DCLRE1C: variants seen among roughly 807,000 people sequenced by gnomAD.
DCLRE1C encodes DNA cross-link repair 1C.
DCLRE1C carries 47 observed loss-of-function variants against 61.4 expected under a neutral mutation model. The ratio of observed to expected loss-of-function variants is 0.77; its 90% CI spans 0.61 to 0.98. DCLRE1C has a LOEUF of 0.98. Among genes scored for constraint, DCLRE1C ranks in the 50% least tolerant of loss-of-function variants. DCLRE1C has a pLI of 0.00. For missense variants in DCLRE1C, 858 were observed against 816.0 expected, an observed-to-expected ratio of 1.05 and a Z score of -0.63; for synonymous variants, 337 against 287.6, an observed-to-expected ratio of 1.17 and a Z score of -1.74.
chr10:14,923,211 G>A (rs1488137999), intron 11 of DCLRE1C, 142 bp from the exon 12 acceptor site: 2 of 667,686 alleles, frequency 3.0e-6, no homozygotes, highest in East Asian at 2.9e-5. Context: ...GGGATCACCA[G>A]GGACCTCTTG....
downstream of DCLRE1C, among the ~76,000 whole-genome samples, chr10:14,901,532 C>G (rs1340019229): frequency 6.6e-6 from 1 of 151,632 alleles, no homozygotes; most frequent in African/African-American, 2.4e-5. Flanking sequence ...CATCTTAATA[C>G]TGTACTACTT....
At chr10:14,946,965 A>T (rs771662761) in intron 2 of DCLRE1C, among the ~76,000 whole-genome samples, 23 of 152,280 alleles carry the variant, frequency 1.5e-4, no homozygotes, top group South Asian at 8.3e-4. Context: ...TAATCCCAGC[A>T]CTTTGGGAAG....
downstream of DCLRE1C, chr10:14,902,774 T>A (rs1181661471): frequency 8.6e-6 from 2 of 233,856 alleles, no homozygotes; most frequent in Non-Finnish European, 1.7e-5. Flanking sequence ...TTAGTATATG[T>A]GTACTTAAGT....
chr10:14,940,009 A>G, intron 3 of DCLRE1C, 140 bp from the exon 4 acceptor site: 1 of 645,552 alleles, frequency 1.5e-6, no homozygotes, highest in Non-Finnish European at 2.6e-6. Flanking sequence ...TGTAATAAAT[A>G]TTTTAACAGT....
chr10:14,918,212 A>C (rs1302203492), intron 13 of DCLRE1C, among the ~76,000 whole-genome samples: 2 of 152,206 alleles, frequency 1.3e-5, no homozygotes, highest in African/African-American at 2.4e-5. Context: ...TTTAATAAGA[A>C]AGACACTGGA....
At chr10:14,929,195 A>C (rs1838545725) in intron 9 of DCLRE1C, among the ~76,000 whole-genome samples, 1 of 152,144 alleles carries the variant, frequency 6.6e-6, no homozygotes, top group Non-Finnish European at 1.5e-5. Context: ...ACTTGAGGTC[A>C]GGAGTCCAAG....
chr10:14,946,765 T>A (rs1841759934), intron 2 of DCLRE1C, among the ~76,000 whole-genome samples: 1 of 151,968 alleles, frequency 6.6e-6, no homozygotes, highest in South Asian at 2.1e-4. Flanking sequence ...CTACAGCACA[T>A]GCCACCACAC....
chr10:14,950,357 CAA>C (rs1196056427), intron 1 of DCLRE1C, among the ~76,000 whole-genome samples: 112 of 71,284 alleles, frequency 1.6e-3, no homozygotes, highest in African/African-American at 4.7e-3. Context: ...AAATAATAAC[CAA>C]AAAAAAAAAA....
exon 14 of DCLRE1C, chr10:14,898,732 C>G (rs890677530): frequency 2.0e-5 from 3 of 152,690 alleles, no homozygotes; most frequent in East Asian, 1.9e-4. Context: ...AAGAGCAGAA[C>G]TGTAGATGAC....
intron 2 of DCLRE1C, chr10:14,945,469 A>G: frequency 8.5e-7 from 1 of 1,172,932 alleles, no homozygotes; most frequent in South Asian, 1.9e-5. Flanking sequence ...CAAGAGCACA[A>G]GGTGGGGGTG....
chr10:14,927,724 G>A (rs1291269834), intron 10 of DCLRE1C, among the ~76,000 whole-genome samples: 1 of 152,068 alleles, frequency 6.6e-6, no homozygotes, highest in African/African-American at 2.4e-5. Flanking sequence ...CTCCACCAAG[G>A]GTTCTGTTCT....
intron 13 of DCLRE1C, among the ~76,000 whole-genome samples, chr10:14,918,302 A>T (rs1395599627): frequency 1.3e-5 from 2 of 152,254 alleles, no homozygotes; most frequent in Admixed American, 6.5e-5. Flanking sequence ...CCTTATCAAT[A>T]AAAGAGGGTG....
Position 14,907,577 on chromosome 10 carries a change from G to A in DCLRE1C, c.*831C>T, listed in dbSNP as rs1834520226. Among the ~76,000 whole-genome samples the A allele has an allele frequency of 6.6e-6, 1 of 151,872 alleles. No individual in the cohort carries two copies. Among genetic ancestry groups the A allele is most frequent in the African/African-American group, 2.4e-5 (1 of 41,334 alleles). On this transcript the variant is annotated 3_prime_UTR_variant, in exon 14 of 14. Transcript: ENST00000378278. ...AGCTGTTCTAGCTTCATAAATTTTT[G>A]GAGCTGTTAGGTGCATATACGTTTA...
intron 2 of DCLRE1C, among the ~76,000 whole-genome samples, chr10:14,947,242 A>AC (rs1472647215): frequency 3.3e-5 from 5 of 151,456 alleles, no homozygotes; most frequent in African/African-American, 1.2e-4. Context: ...AAACAAACAA[A>AC]AAAACATGCC....
intron 13 of DCLRE1C, among the ~76,000 whole-genome samples, chr10:14,916,517 A>T (rs1836221755): frequency 1.3e-5 from 2 of 152,230 alleles, no homozygotes; most frequent in South Asian, 2.1e-4. Context: ...AGGTTCAACC[A>T]TTAAATGCAA....
intron 4 of DCLRE1C, among the ~76,000 whole-genome samples, chr10:14,938,741 T>C (rs559729455): frequency 1.3e-5 from 2 of 152,320 alleles, no homozygotes; most frequent in Non-Finnish European, 2.9e-5. Context: ...AAGTACAATA[T>C]TCATGAATTA....
rs373749905 is a variant in DCLRE1C, at chr10:14,927,996, C to A, written c.917+20G>T. On this transcript the variant is annotated intron_variant, in intron 10 of 13. Transcript: ENST00000378278. ...TTACTCAAAGTTTCTCTCAGAAGAC[C>A]TATGATATTGCTCTCTTACCTCACA... 6.8e-6 allele frequency: 11 copies of A among 1,612,842 alleles called. No homozygotes were observed. Among genetic ancestry groups the A allele is most frequent in the Non-Finnish European group, 8.5e-6 (10 of 1,179,454 alleles).
chr10:14,936,870 G>A (rs11259397), intron 4 of DCLRE1C, among the ~76,000 whole-genome samples: 194 of 152,284 alleles, frequency 1.3e-3, no homozygotes, highest in Non-Finnish European at 2.2e-3. Context: ...GTTCACAGCA[G>A]CATTCTTCAT....
downstream of DCLRE1C, chr10:14,900,986 C>A: frequency 1.0e-6 from 1 of 959,806 alleles, no homozygotes; most frequent in Non-Finnish European, 1.5e-6. Flanking sequence ...TTTAAATGTG[C>A]ATGCCTCAAA....
Sources: gnomAD v4.1 joint callset for allele counts (sites outside exome capture counted in the v4.1 genomes callset) on GRCh38, gnomAD v4.1.1 for gene constraint, MANE v1.5 for transcripts, NCBI Gene and HGNC (gene_info 2026-07-23, HGNC 2026-07-21) for gene names.